Variants in STAT4 observed in about 807,000 individuals in gnomAD.
The protein encoded by STAT4 is signal transducer and activator of transcription 4.
STAT4 carries 42 observed loss-of-function variants against 110.5 expected under a neutral mutation model. The observed-to-expected ratio is 0.38, with a 90% CI of 0.30 to 0.49. The LOEUF (loss-of-function observed/expected upper bound fraction) is 0.49. Among genes scored for constraint, STAT4 ranks in the 20% least tolerant of loss-of-function variants. The pLI is 0.95. For synonymous variants in STAT4, 284 were observed against 302.2 expected, an observed-to-expected ratio of 0.94 and a Z score of 0.63; for missense variants, 632 against 887.9, an observed-to-expected ratio of 0.71 and a Z score of 3.66.
chr2:191,053,064 T>C lies in STAT4; in HGVS notation c.1251+1426A>G, dbSNP rs941522160. Among the ~76,000 whole-genome samples, 1 of 152,178 alleles carries C rather than the reference T, an allele frequency of 6.6e-6. No homozygotes were observed. The highest frequency in any genetic ancestry group is 2.4e-5 in the African/African-American group (1 of 41,440). ...AATGAAGAATTCTTGGAGGGCAAAA[T>C]GGTAGGGCATTAAATCTTTTGTGAT... On this transcript the variant is annotated intron_variant, in intron 14 of 23. Coordinates refer to ENST00000392320, the MANE Select transcript of STAT4 (RefSeq NM_003151.4). The surrounding 1 kb of genome is among the most constrained non-coding windows in gnomAD (Gnocchi z 4.5).
chr2:191,093,939 C>T (rs1029487913), intron 3 of STAT4, among the ~76,000 whole-genome samples: 2 of 152,100 alleles, frequency 1.3e-5, no homozygotes, highest in Non-Finnish European at 2.9e-5. Flanking sequence ...CCATGTGAGG[C>T]ATGCACAAGC....
chr2:191,062,609 G>A lies in STAT4; in HGVS notation c.941+153C>T, dbSNP rs1255860757. Among the ~76,000 whole-genome samples the A allele has an allele frequency of 6.6e-6, 1 of 152,184 alleles. No homozygotes were observed. The highest frequency in any genetic ancestry group is 1.5e-5 in the Non-Finnish European group (1 of 68,036). ...TGAATAAATAGTGAAGAGTAGAAAT[G>A]TGGTTTCTAAAACTTTCTGGGGTTC... is the stretch of plus-strand genomic sequence containing the variant. On this transcript the variant is annotated intron_variant, in intron 9 of 23. Transcript: ENST00000392320. This position sits in a 1 kb window ranked among gnomAD's most constrained non-coding sequence, Gnocchi z 4.9.
intron 3 of STAT4, among the ~76,000 whole-genome samples, chr2:191,141,272 A>G (rs1450724540): frequency 6.6e-6 from 1 of 151,938 alleles, no homozygotes; most frequent in Non-Finnish European, 1.5e-5. Context: ...ACATACAAAT[A>G]GTCAACAGAT....
At position 191,091,120 on chromosome 2, in the gene STAT4, T is replaced by G. The variant is rs528996778; in HGVS notation, c.274-14795A>C. On this transcript the variant is annotated intron_variant, in intron 3 of 23. Coordinates refer to ENST00000392320, the MANE Select transcript of STAT4 (RefSeq NM_003151.4). The surrounding 1 kb of genome is among the most constrained non-coding windows in gnomAD (Gnocchi z 5.4). ...ATTAGAAAGTGTTTAGACAAGATTA[T>G]AAGGACAAGAAAATGAAATAGTAAA... 9.9e-5 allele frequency among the ~76,000 whole-genome samples: 15 copies of G among 152,136 alleles called. No homozygotes were observed. In the South Asian group the frequency reaches 2.3e-3, roughly 23 times the overall value.
At chr2:191,109,141 C>T (rs999363743) in intron 3 of STAT4, among the ~76,000 whole-genome samples, 6 of 152,094 alleles carry the variant, frequency 3.9e-5, no homozygotes, top group Non-Finnish European at 7.4e-5. Flanking sequence ...TCCTGTGGGT[C>T]GCAGGGCATC....
intron 14 of STAT4, among the ~76,000 whole-genome samples, chr2:191,052,879 A>T (rs1298811024): frequency 6.6e-6 from 1 of 152,192 alleles, no homozygotes; most frequent in East Asian, 1.9e-4. Context: ...GTTTTACTAG[A>T]ATCTCCTTAA....
rs1485376205 is a variant in STAT4, at chr2:191,112,312, T to A, written c.273+34301A>T. 2.6e-5 allele frequency among the ~76,000 whole-genome samples: 4 copies of A among 152,194 alleles called. No homozygotes were observed. Among genetic ancestry groups the A allele is most frequent in the Non-Finnish European group, 4.4e-5 (3 of 68,030 alleles). The stretch of plus-strand genomic sequence containing the variant: ...GTCTCATTTCCTAGCTATGTGACCT[T>A]GGGCAACAGCGTGACCTTTCCAAGC... On this transcript the variant is annotated intron_variant, in intron 3 of 23. Coordinates refer to ENST00000392320, the MANE Select transcript of STAT4 (RefSeq NM_003151.4). This position sits in a 1 kb window ranked among gnomAD's most constrained non-coding sequence, Gnocchi z 4.3.
Position 191,058,646 on chromosome 2 carries a change from G to T in STAT4, c.1094+64C>A. On this transcript the variant is annotated intron_variant, in intron 11 of 23. Transcript: ENST00000392320. The surrounding 1 kb of genome is among the most constrained non-coding windows in gnomAD (Gnocchi z 4.3). Reference sequence around the variant, plus strand: ...GTTCAAAATTATTCTATAAAATAAAGGCCATTCATTTTTAAAAGTCTTACA... The same window carrying T: ...GTTCAAAATTATTCTATAAAATAAATGCCATTCATTTTTAAAAGTCTTACA... 2 of 922,416 alleles carry T rather than the reference G, an allele frequency of 2.2e-6. No homozygotes were observed. Among genetic ancestry groups the T allele is most frequent in the Non-Finnish European group, 3.4e-6 (2 of 585,734 alleles). The allele number at this position is 922,416 out of a possible 1,614,324, so 57.1% of individuals were successfully genotyped here.
intron 3 of STAT4, among the ~76,000 whole-genome samples, chr2:191,088,873 C>T (rs1427702860): frequency 6.6e-6 from 1 of 152,166 alleles, no homozygotes; most frequent in Non-Finnish European, 1.5e-5. Flanking sequence ...GGATATTCAG[C>T]TGGATATGCA....
At chr2:191,105,243 C>T (rs968810336) in intron 3 of STAT4, among the ~76,000 whole-genome samples, 1 of 152,154 alleles carries the variant, frequency 6.6e-6, no homozygotes, top group African/African-American at 2.4e-5. Context: ...AGGTTACTCT[C>T]GACATGGCAG....
In STAT4 at chr2:191,043,417, A is replaced by G. The variant is rs1407663673; in HGVS notation, c.1252-2269T>C. Among the ~76,000 whole-genome samples, 1 of 152,244 alleles carries G rather than the reference A, an allele frequency of 6.6e-6. No homozygotes were observed. The highest frequency in any genetic ancestry group is 2.4e-5 in the African/African-American group (1 of 41,464). On this transcript the variant is annotated intron_variant, in intron 14 of 23. Coordinates refer to ENST00000392320, the MANE Select transcript of STAT4 (RefSeq NM_003151.4). The surrounding 1 kb of genome is among the most constrained non-coding windows in gnomAD (Gnocchi z 4.8). The stretch of plus-strand genomic sequence containing the variant: ...GGAAAGAGAACAGAGAAAATGGAGT[A>G]GAGGAAATGTCAAAGACATAAACAA...
At chr2:191,118,341 T>C (rs1377304131) in intron 3 of STAT4, among the ~76,000 whole-genome samples, 2 of 152,198 alleles carry the variant, frequency 1.3e-5, no homozygotes, top group African/African-American at 4.8e-5. Flanking sequence ...TGGGAATCTG[T>C]TGAATCTGTT....
At chr2:191,145,321 T>C (rs932460286) in intron 3 of STAT4, among the ~76,000 whole-genome samples, 9 of 152,220 alleles carry the variant, frequency 5.9e-5, no homozygotes, top group Admixed American at 3.3e-4. Flanking sequence ...TTAAATTTTA[T>C]GATCTATTTT....
intron 3 of STAT4, among the ~76,000 whole-genome samples, chr2:191,095,152 T>G (rs558581602): frequency 1.3e-5 from 2 of 151,732 alleles, no homozygotes; most frequent in Admixed American, 1.3e-4. Context: ...CAATAATAAC[T>G]TTATTTTTAA....
At position 191,138,670 on chromosome 2, in the gene STAT4, T is replaced by A. The variant is rs989310535; in HGVS notation, c.273+7943A>T. Among the ~76,000 whole-genome samples the A allele has an allele frequency of 6.6e-6, 1 of 152,108 alleles. No individual in the cohort carries two copies. Among genetic ancestry groups the A allele is most frequent in the Non-Finnish European group, 1.5e-5 (1 of 68,000 alleles). On this transcript the variant is annotated intron_variant, in intron 3 of 23. Coordinates refer to ENST00000392320, the MANE Select transcript of STAT4 (RefSeq NM_003151.4). The surrounding 1 kb of genome is among the most constrained non-coding windows in gnomAD (Gnocchi z 4.3). Reference sequence around the variant, plus strand: ...CAGATGGATTCACAGCTGAATTCTATCAGACATTCAAAGAAGAATTGGTAC... The same window carrying A: ...CAGATGGATTCACAGCTGAATTCTAACAGACATTCAAAGAAGAATTGGTAC...
In STAT4 at chr2:191,066,984, T is replaced by C. The variant is rs1041105896; in HGVS notation, c.545-469A>G. Among the ~76,000 whole-genome samples, 11 of 151,994 alleles carry C rather than the reference T, an allele frequency of 7.2e-5. No homozygotes were observed. The highest frequency in any genetic ancestry group is 2.4e-4 in the African/African-American group (10 of 41,386). ...GCAGGTTTTATGAGAAACTGCCTGA[T>C]AGAGTTACAGTCTTATCTACCTAGT... On this transcript the variant is annotated intron_variant, in intron 6 of 23. Coordinates refer to ENST00000392320, the MANE Select transcript of STAT4 (RefSeq NM_003151.4). This position sits in a 1 kb window ranked among gnomAD's most constrained non-coding sequence, Gnocchi z 4.3.
At chr2:191,120,413 A>C (rs1698688867) in intron 3 of STAT4, among the ~76,000 whole-genome samples, 1 of 152,156 alleles carries the variant, frequency 6.6e-6, no homozygotes. Flanking sequence ...CTCTACAAAA[A>C]TAAAAATAGA....
rs757556751 is a variant in STAT4 at position 191,037,619 on chromosome 2, C to T, written c.1435-1320G>A. ...AAAGGAAGAATTCAGAAATCCAGTGCGGTGCCTGGAAAAGGCCGTTGTGAA... is the reference window on the plus strand; with the variant it reads ...AAAGGAAGAATTCAGAAATCCAGTGTGGTGCCTGGAAAAGGCCGTTGTGAA... On this transcript the variant is annotated intron_variant, in intron 16 of 23. Transcript: ENST00000392320. This position sits in a 1 kb window ranked among gnomAD's most constrained non-coding sequence, Gnocchi z 4.8. Among the ~76,000 whole-genome samples the T allele has an allele frequency of 1.3e-5, 2 of 152,138 alleles. No homozygotes were observed. Among genetic ancestry groups the T allele is most frequent in the African/African-American group, 4.8e-5 (2 of 41,422 alleles).
rs965926578 is a variant in STAT4 at position 191,135,228 on chromosome 2, T to C, written c.273+11385A>G. Among the ~76,000 whole-genome samples the C allele has an allele frequency of 2.6e-5, 4 of 152,038 alleles. No homozygotes were observed. Among genetic ancestry groups the C allele is most frequent in the African/African-American group, 7.2e-5 (3 of 41,398 alleles). On this transcript the variant is annotated intron_variant, in intron 3 of 23. Coordinates refer to ENST00000392320, the MANE Select transcript of STAT4 (RefSeq NM_003151.4). The surrounding 1 kb of genome is among the most constrained non-coding windows in gnomAD (Gnocchi z 4.8). ...GAAATGAAAAAGGAGACATTACAAC[T>C]GACATCACGAAAATATAAAAGATCA...
Sources: gnomAD v4.1 joint callset for allele counts (sites outside exome capture counted in the v4.1 genomes callset) on GRCh38, gnomAD v4.1.1 for gene constraint, Gnocchi (gnomAD v3.1) non-coding constraint, MANE v1.5 for transcripts, NCBI Gene and HGNC (gene_info 2026-07-23, HGNC 2026-07-21) for gene names.